Variants in PPP1R12B observed in about 807,000 individuals in gnomAD.
The protein encoded by PPP1R12B is protein phosphatase 1 regulatory subunit 12B.
In PPP1R12B, 76 loss-of-function variants were observed where a neutral mutation model predicts 126.1. The ratio of observed to expected loss-of-function variants is 0.60; its 90% CI spans 0.50 to 0.73. The LOEUF is 0.73. Ranked by LOEUF, PPP1R12B falls within the 30% of genes least tolerant of loss-of-function variation. The probability of loss-of-function intolerance (pLI) is 0.00; values close to 1 mark genes in which losing one functional copy is unlikely to be tolerated. For missense variants in PPP1R12B, 1,052 were observed against 1,205.1 expected (o/e 0.87, Z 1.88); for synonymous variants, 356 against 434.7 (o/e 0.82, Z 2.25).
At chr1:202,436,741 A>T (rs1670872489) in intron 9 of PPP1R12B, among the ~76,000 whole-genome samples, 7 of 152,188 alleles carry the variant, frequency 4.6e-5, no homozygotes, top group Admixed American at 3.9e-4. Flanking sequence ...TTTTAACAAA[A>T]TTGTGGTAAT....
intron 13 of PPP1R12B, among the ~76,000 whole-genome samples, chr1:202,475,178 C>T (rs1273881321): frequency 6.6e-6 from 1 of 152,134 alleles, no homozygotes; most frequent in African/African-American, 2.4e-5. Context: ...ATAGTATTAG[C>T]CTCCCGTTCC....
At chr1:202,488,114 T>C (rs1281295483) in intron 13 of PPP1R12B, among the ~76,000 whole-genome samples, 1 of 152,224 alleles carries the variant, frequency 6.6e-6, no homozygotes, top group Non-Finnish European at 1.5e-5. Context: ...TTGGGGCCAT[T>C]ATTAAGTAGA....
At chr1:202,439,722 G>A in intron 10 of PPP1R12B, 2 of 580,188 alleles carry the variant, frequency 3.4e-6, no homozygotes, top group East Asian at 2.9e-5. Flanking sequence ...CCAGCCAGCA[G>A]GAGGGACTGA....
Position 202,466,995 on chromosome 1 carries a change from T to C in PPP1R12B, c.1850+17824T>C, listed in dbSNP as rs942755898. Among the ~76,000 whole-genome samples the C allele has an allele frequency of 3.5e-4, 54 of 152,168 alleles. 1 individual carries two copies. Among genetic ancestry groups the C allele is most frequent in the Non-Finnish European group, 4.6e-4 (31 of 68,028 alleles). ...TGTCACCAAGTCTTGTCTGTCATTC[T>C]CCTTAAGAATCCTTCAATTCCATCT... On this transcript the variant is annotated intron_variant, in intron 13 of 23. Coordinates refer to ENST00000608999, the MANE Select transcript of PPP1R12B (RefSeq NM_002481.4).
chr1:202,512,263 A>G (rs894929256), intron 18 of PPP1R12B, among the ~76,000 whole-genome samples: 3 of 152,220 alleles, frequency 2.0e-5, no homozygotes, highest in African/African-American at 4.8e-5. Flanking sequence ...ATACACACAT[A>G]CCCCTTTATA....
chr1:202,449,782 G>C (rs898490457), intron 13 of PPP1R12B, among the ~76,000 whole-genome samples: 1 of 152,020 alleles, frequency 6.6e-6, no homozygotes, highest in Non-Finnish European at 1.5e-5. Context: ...TGCCTCCCGG[G>C]TTCATGCCAT....
At chr1:202,545,155 G>A (rs866882853) in intron 18 of PPP1R12B, among the ~76,000 whole-genome samples, 134 of 152,330 alleles carry the variant, frequency 8.8e-4, no homozygotes, top group African/African-American at 3.1e-3. Flanking sequence ...AATTAAGAGT[G>A]CAATCTGTTA....
intron 13 of PPP1R12B, among the ~76,000 whole-genome samples, chr1:202,468,932 C>CA (rs552544181): frequency 5.7e-4 from 85 of 150,000 alleles, no homozygotes; most frequent in African/African-American, 2.0e-3. Context: ...GATTCTGTCT[C>CA]AAAAAAAAGA....
intron 21 of PPP1R12B, among the ~76,000 whole-genome samples, chr1:202,566,383 G>T (rs968393078): frequency 2.6e-5 from 4 of 152,184 alleles, no homozygotes; most frequent in Non-Finnish European, 5.9e-5. Flanking sequence ...CCAAGTCTCT[G>T]CCATTTACCA....
At position 202,548,022 on chromosome 1, in the gene PPP1R12B, A is replaced by G. The variant is rs112726795; in HGVS notation, c.2491-10855A>G. Among the ~76,000 whole-genome samples the G allele has an allele frequency of 1.9e-3, 283 of 152,362 alleles. 2 individuals carry two copies. The highest frequency in any genetic ancestry group is 6.6e-3 in the African/African-American group (275 of 41,594). On this transcript the variant is annotated intron_variant, in intron 18 of 23. Transcript: ENST00000608999. ...TTACATTTATTGTCTCATTTAATAC[A>G]TTTGATAACCATAAACACCAAGTTT...
intron 13 of PPP1R12B, among the ~76,000 whole-genome samples, chr1:202,483,278 C>CTTTTT (rs71281161): frequency 1.3e-4 from 15 of 118,494 alleles, no homozygotes; most frequent in East Asian, 5.1e-4. Flanking sequence ...TGAAGAACAC[C>CTTTTT]TTTTTTTTTT....
At chr1:202,470,305 A>G (rs1011861724) in intron 13 of PPP1R12B, among the ~76,000 whole-genome samples, 2 of 152,142 alleles carry the variant, frequency 1.3e-5, no homozygotes, top group African/African-American at 4.8e-5. Flanking sequence ...ACTGAGGAGT[A>G]CCTGTGCTTT....
Position 202,588,841 on chromosome 1 carries a change from A to G in PPP1R12B, c.*8281A>G, listed in dbSNP as rs963386007. 4 of 143,628 alleles carry G rather than the reference A, an allele frequency of 2.8e-5. No homozygotes were observed. Among genetic ancestry groups the G allele is most frequent in the Non-Finnish European group, 5.9e-5 (4 of 67,256 alleles). The allele number at this position is 143,628 out of a possible 1,614,324, so 8.9% of individuals were successfully genotyped here. On this transcript the variant is annotated 3_prime_UTR_variant, in exon 24 of 24. Coordinates refer to ENST00000608999, the MANE Select transcript of PPP1R12B (RefSeq NM_002481.4). ...AGAACCGTAAGATAGATAGATAGAT[A>G]GATAGATAGATAGATAGATAGATAG... is the stretch of plus-strand genomic sequence containing the variant.
chr1:202,409,111 T>C (rs1013131076), intron 1 of PPP1R12B, among the ~76,000 whole-genome samples: 10 of 152,044 alleles, frequency 6.6e-5, no homozygotes, highest in African/African-American at 2.4e-4. Flanking sequence ...AGTGCTAGAA[T>C]TACAGGCATG....
intron 18 of PPP1R12B, among the ~76,000 whole-genome samples, chr1:202,511,692 T>G (rs990878793): frequency 7.2e-5 from 11 of 152,016 alleles, no homozygotes; most frequent in African/African-American, 2.4e-4. Flanking sequence ...GGGCTCCAAC[T>G]CCATCCAATT....
At chr1:202,526,899 A>C (rs1683405754) in intron 18 of PPP1R12B, among the ~76,000 whole-genome samples, 1 of 152,190 alleles carries the variant, frequency 6.6e-6, no homozygotes, top group Non-Finnish European at 1.5e-5. Context: ...GCTGAACAAC[A>C]ATGAAATTAC....
At chr1:202,494,898 G>C (rs1679348187) in intron 15 of PPP1R12B, among the ~76,000 whole-genome samples, 1 of 152,016 alleles carries the variant, frequency 6.6e-6, no homozygotes, top group South Asian at 2.1e-4. Context: ...TCATGCTCCT[G>C]ATCTTTTTGT....
intron 18 of PPP1R12B, among the ~76,000 whole-genome samples, chr1:202,517,112 CT>C (rs1682235306): frequency 6.6e-6 from 1 of 152,160 alleles, no homozygotes; most frequent in African/African-American, 2.4e-5. Flanking sequence ...CTAAAAACTT[CT>C]TAGTTTTTAC....
At chr1:202,442,718 G>A (rs1671787772) in intron 12 of PPP1R12B, 146 bp downstream of exon 12, 5 of 894,384 alleles carry the variant, frequency 5.6e-6, no homozygotes, top group African/African-American at 1.7e-5. Flanking sequence ...TTAACATCTT[G>A]AATAATTTAA....
Sources: allele counts gnomAD v4.1 joint callset (sites outside exome capture counted in the v4.1 genomes callset), GRCh38; gene constraint gnomAD v4.1.1; transcripts MANE v1.5; gene names NCBI Gene and HGNC (gene_info 2026-07-23, HGNC 2026-07-21).